The following KIF20B variants were observed in gnomAD, a reference collection of about 807,000 sequenced individuals.
KIF20B encodes kinesin family member 20B.
Under a neutral mutation model 232.5 loss-of-function variants are expected in KIF20B, and 188 were observed. The observed-to-expected ratio is 0.81, with a 90% CI of 0.72 to 0.91. The LOEUF (loss-of-function observed/expected upper bound fraction) is 0.91, where lower values mean the gene tolerates loss of function less well. KIF20B is among the 40% of genes least tolerant of loss of function. The probability of loss-of-function intolerance (pLI) is 0.00; values close to 1 mark genes in which losing one functional copy is unlikely to be tolerated. For missense variants in KIF20B, 2,154 were observed against 2,055.9 expected (o/e 1.05, Z -0.92); for synonymous variants, 712 against 683.0 (o/e 1.04, Z -0.66).
intron 23 of KIF20B, among the ~76,000 whole-genome samples, chr10:89,750,613 T>C (rs1435602061): frequency 6.6e-6 from 1 of 152,004 alleles, no homozygotes; most frequent in Non-Finnish European, 1.5e-5. Context: ...TTGGTAAGAG[T>C]TCTCTGAAAT....
At chr10:89,750,999 T>C (rs1842009613) in intron 23 of KIF20B, among the ~76,000 whole-genome samples, 1 of 152,018 alleles carries the variant, frequency 6.6e-6, no homozygotes, top group South Asian at 2.1e-4. Flanking sequence ...TAATGGTTTT[T>C]CCCCCTAAAT....
At chr10:89,757,005 A>G (rs1175456069) in intron 26 of KIF20B, among the ~76,000 whole-genome samples, 1 of 142,358 alleles carries the variant, frequency 7.0e-6, no homozygotes, top group African/African-American at 2.6e-5. Context: ...TTTGGTGCAC[A>G]TTTGCATATA....
Position 89,717,411 on chromosome 10 carries a change from C to A in KIF20B, c.1053-13C>A, listed in dbSNP as rs772026781. ...TAAAAATGATAAGATAACATTTGATCTTTGTATTTCAGTCACAGCATATTC... is the reference window on the plus strand; with the variant it reads ...TAAAAATGATAAGATAACATTTGATATTTGTATTTCAGTCACAGCATATTC... On this transcript the variant is annotated splice_polypyrimidine_tract_variant and intron_variant, in intron 9 of 32. Coordinates refer to ENST00000371728, the MANE Select transcript of KIF20B (RefSeq NM_001284259.2). 28 of 1,490,318 alleles carry A rather than the reference C, an allele frequency of 1.9e-5. No homozygotes were observed. The South Asian group carries it at 3.3e-4, about 18-fold the overall frequency. 92.3% of individuals were successfully genotyped at this position (1,490,318 alleles called of 1,614,324 possible).
chr10:89,705,494 G>GTTTTTCCCTTTTTATTGCTAAATA, intron 2 of KIF20B, 53 bp downstream of exon 2: 2 of 1,543,512 alleles, frequency 1.3e-6, no homozygotes, highest in Non-Finnish European at 1.8e-6. Context: ...CTAATGCAAG[G>GTTTTTCCCTTTTTATTGCTAAATA]GTTGGCAAAC....
At chr10:89,727,949 G>T (rs1395352447) in intron 17 of KIF20B, 53 bp downstream of exon 17, 2 of 1,431,950 alleles carry the variant, frequency 1.4e-6, no homozygotes, top group African/African-American at 2.9e-5. Flanking sequence ...TAACAAAGGG[G>T]TATGAATGAT....
chr10:89,733,291 CTA>C, intron 19 of KIF20B: 2 of 404,552 alleles, frequency 4.9e-6, no homozygotes, highest in Admixed American at 4.2e-5. Context: ...CTTTCGCAGT[CTA>C]TGTAATAATT....
At chr10:89,706,772 A>G (rs866191379) in intron 2 of KIF20B, among the ~76,000 whole-genome samples, 1 of 151,558 alleles carries the variant, frequency 6.6e-6, no homozygotes, top group Non-Finnish European at 1.5e-5. Flanking sequence ...CCTTTGACCT[A>G]TTTGTCCTTA....
intron 18 of KIF20B, among the ~76,000 whole-genome samples, chr10:89,729,456 CCACAAGAT>C (rs1259370770): frequency 6.6e-6 from 1 of 152,132 alleles, no homozygotes; most frequent in Non-Finnish European, 1.5e-5. Context: ...ACATACTTTT[CCACAAGAT>C]ACGCTGGCAG....
chr10:89,743,685 T>C lies in KIF20B; in HGVS notation c.3916-123T>C, dbSNP rs1342041746. 13 of 560,208 alleles carry C rather than the reference T, an allele frequency of 2.3e-5. No homozygotes were observed. The Admixed American group carries it at 3.5e-4, about 15-fold the overall frequency. 34.7% of individuals were successfully genotyped at this position (560,208 alleles called of 1,614,324 possible). ...TTGATTTGTAGTATATTAAAATCTG[T>C]CATTTTTCTTTTAGGCTGTAAAGGA... On this transcript the variant is annotated intron_variant, in intron 21 of 32. Transcript: ENST00000371728.
At chr10:89,726,156 C>A in intron 15 of KIF20B, 137 bp from the exon 16 acceptor site, 2 of 1,165,476 alleles carry the variant, frequency 1.7e-6, no homozygotes, top group Non-Finnish European at 2.2e-6. Flanking sequence ...ATTGGAGTTG[C>A]TTCTATATAA....
intron 9 of KIF20B, 62 bp from the exon 10 acceptor site, chr10:89,717,362 C>T: frequency 2.0e-6 from 2 of 1,001,708 alleles, no homozygotes; most frequent in Non-Finnish European, 1.5e-6. Flanking sequence ...GAATACTTGT[C>T]TCTCCTATTT....
chr10:89,747,237 C>G (rs1841931978), intron 23 of KIF20B, among the ~76,000 whole-genome samples: 1 of 152,058 alleles, frequency 6.6e-6, no homozygotes, highest in Non-Finnish European at 1.5e-5. Flanking sequence ...CAGGAAACAA[C>G]AGGTGCTGGA....
intron 6 of KIF20B, among the ~76,000 whole-genome samples, chr10:89,712,969 G>GAACA (rs1842863392): frequency 6.6e-6 from 1 of 152,072 alleles, no homozygotes; most frequent in South Asian, 2.1e-4. Flanking sequence ...CTGTGACTAT[G>GAACA]GTCTCTGAAA....
intron 15 of KIF20B, 43 bp from the exon 16 acceptor site, chr10:89,726,250 A>G (rs560429555): frequency 6.6e-7 from 1 of 1,509,386 alleles, no homozygotes; most frequent in East Asian, 2.5e-5. Flanking sequence ...TAAAGGGTGA[A>G]CCCTACTGTT....
Position 89,719,575 on chromosome 10 carries a change from G to A in KIF20B, c.1591G>A (p.Glu531Lys). 1 of 1,613,610 alleles carries A rather than the reference G, an allele frequency of 6.2e-7. No homozygotes were observed. The highest frequency in any genetic ancestry group is 8.5e-7 in the Non-Finnish European group (1 of 1,179,716). Reference sequence around the variant, plus strand: ...GGAAAATAGTCTAGAAGATTTGATGGAAGACGAGGATTTGGTTGAGGAGCT... The same window carrying A: ...GGAAAATAGTCTAGAAGATTTGATGAAAGACGAGGATTTGGTTGAGGAGCT... ...SWENSLEDLM[E>K]DEDLVEELEN... Residue 531 changes from glutamate (E) to lysine (K), a missense_variant, in exon 13 of 33, where the codon GAA becomes AAA. Transcript: ENST00000371728.
At chr10:89,742,788 C>A (rs1841830794) in intron 21 of KIF20B, among the ~76,000 whole-genome samples, 1 of 151,290 alleles carries the variant, frequency 6.6e-6, no homozygotes, top group South Asian at 2.1e-4. Context: ...CAACCTCCAC[C>A]TCCCGGGTTC....
chr10:89,713,439 A>T (rs1589852996), intron 6 of KIF20B, among the ~76,000 whole-genome samples: 2 of 73,058 alleles, frequency 2.7e-5, no homozygotes, highest in Non-Finnish European at 5.0e-5. Context: ...TTAAAATGTT[A>T]AAAAAAAATG....
chr10:89,724,363 C>G (rs916485535), intron 14 of KIF20B, among the ~76,000 whole-genome samples: 1 of 151,934 alleles, frequency 6.6e-6, no homozygotes, highest in Non-Finnish European at 1.5e-5. Context: ...CTCGTCTGTA[C>G]TAAAAATAGA....
At chr10:89,751,305 A>G (rs749883348) in intron 23 of KIF20B, 41 bp from the exon 24 acceptor site, 1 of 1,507,484 alleles carries the variant, frequency 6.6e-7, no homozygotes, top group African/African-American at 1.4e-5. Flanking sequence ...TTGGATATCT[A>G]GAGGCTATTA....
Sources: allele counts gnomAD v4.1 joint callset (sites outside exome capture counted in the v4.1 genomes callset), GRCh38; gene constraint gnomAD v4.1.1; transcripts MANE v1.5; gene names NCBI Gene and HGNC (gene_info 2026-07-23, HGNC 2026-07-21).